The following RXFP1 variants were observed in gnomAD, a reference collection of about 807,000 sequenced individuals.
RXFP1 encodes the protein relaxin receptor 1.
RXFP1 carries 73 observed loss-of-function variants against 89.8 expected under a neutral mutation model. The ratio of observed to expected loss-of-function variants is 0.81; its 90% CI spans 0.67 to 0.99. The LOEUF is 0.99. Among genes scored for constraint, RXFP1 ranks in the 50% least tolerant of loss-of-function variants. The pLI is 0.00. For synonymous variants in RXFP1, 277 were observed against 305.5 expected, an observed-to-expected ratio of 0.91 and a Z score of 0.97; for missense variants, 793 against 895.5, an observed-to-expected ratio of 0.89 and a Z score of 1.46.
intron 1 of RXFP1, among the ~76,000 whole-genome samples, chr4:158,552,811 G>A (rs1183485246): frequency 3.9e-5 from 6 of 152,166 alleles, no homozygotes; most frequent in African/African-American, 1.4e-4. Flanking sequence ...TGTTCAATAT[G>A]GGAACCCCAG....
chr4:158,524,242 G>T (rs910797324), intron 1 of RXFP1, among the ~76,000 whole-genome samples: 1 of 152,122 alleles, frequency 6.6e-6, no homozygotes, highest in Non-Finnish European at 1.5e-5. Context: ...TGCTTTCAGA[G>T]CCCGTGCTCT....
intron 14 of RXFP1, among the ~76,000 whole-genome samples, chr4:158,644,486 C>T (rs1185688247): frequency 2.0e-5 from 3 of 151,900 alleles, no homozygotes; most frequent in Admixed American, 1.3e-4. Flanking sequence ...CAAAAAGCCA[C>T]GGAAGCACAG....
intron 17 of RXFP1, among the ~76,000 whole-genome samples, chr4:158,651,365 C>A (rs547253518): frequency 6.6e-6 from 1 of 152,228 alleles, no homozygotes; most frequent in South Asian, 2.1e-4. Flanking sequence ...ATACTATATG[C>A]ACCATTAAAA....
intron 11 of RXFP1, among the ~76,000 whole-genome samples, chr4:158,631,557 A>G (rs1383265021): frequency 1.3e-5 from 2 of 152,202 alleles, no homozygotes; most frequent in African/African-American, 4.8e-5. Flanking sequence ...GAAGTGTGCA[A>G]GAGGAATGCA....
intron 1 of RXFP1, among the ~76,000 whole-genome samples, chr4:158,526,391 G>A (rs947456734): frequency 1.6e-4 from 24 of 152,238 alleles, no homozygotes; most frequent in African/African-American, 5.5e-4. Flanking sequence ...CCTATGTGTA[G>A]TGATCCCATA....
intron 12 of RXFP1, among the ~76,000 whole-genome samples, chr4:158,637,509 A>T (rs543406965): frequency 4.6e-5 from 7 of 152,164 alleles, no homozygotes; most frequent in African/African-American, 1.7e-4. Flanking sequence ...ACTTTTTCAT[A>T]TACCTGTTAG....
intron 14 of RXFP1, among the ~76,000 whole-genome samples, chr4:158,642,527 G>A (rs1770577502): frequency 6.6e-6 from 1 of 152,086 alleles, no homozygotes; most frequent in African/African-American, 2.4e-5. Context: ...TTCCATATAT[G>A]AGAACATGAG....
intron 1 of RXFP1, among the ~76,000 whole-genome samples, chr4:158,559,610 G>C (rs1457071636): frequency 6.6e-6 from 1 of 152,056 alleles, no homozygotes; most frequent in Non-Finnish European, 1.5e-5. Context: ...ATTAAGACAA[G>C]CATCCGTGAG....
chr4:158,553,412 G>C (rs1247378180), intron 1 of RXFP1, among the ~76,000 whole-genome samples: 2 of 152,158 alleles, frequency 1.3e-5, no homozygotes, highest in Non-Finnish European at 2.9e-5. Context: ...GAGAGAAATG[G>C]AGAATTGCTA....
chr4:158,529,244 T>TGTTG (rs1553989981), intron 1 of RXFP1, among the ~76,000 whole-genome samples: 2 of 109,994 alleles, frequency 1.8e-5, no homozygotes, highest in Non-Finnish European at 3.9e-5. Context: ...TTGCTTGTTT[T>TGTTG]TTGTTGTTGT....
chr4:158,612,200 C>A lies in RXFP1; in HGVS notation c.607C>A (p.Leu203Met). Reference sequence around the variant, plus strand: ...TGAAGATCTTCACAGACTAGAATGGCTGTATGTTTAATTTATGTGGCATTT... The same window carrying A: ...TGAAGATCTTCACAGACTAGAATGGATGTATGTTTAATTTATGTGGCATTT... ...VFEDLHRLEWLIIEDNHLSRI... is the reference protein window; with the variant it reads ...VFEDLHRLEWMIIEDNHLSRI... The change falls in exon 7 of 18, where the codon CTG becomes ATG. Residue 203 changes from leucine (L) to methionine (M), a missense_variant and splice_region_variant. Coordinates refer to ENST00000307765, the MANE Select transcript of RXFP1 (RefSeq NM_021634.4). 3 of 1,610,754 alleles carry A rather than the reference C, an allele frequency of 1.9e-6. No individual in the cohort carries two copies. The highest frequency in any genetic ancestry group is 2.5e-6 in the Non-Finnish European group (3 of 1,178,510).
intron 15 of RXFP1, chr4:158,646,293 T>G: frequency 2.2e-6 from 1 of 458,404 alleles, no homozygotes; most frequent in Non-Finnish European, 4.3e-6. Context: ...ACATATCTCT[T>G]AAATTATAGG....
intron 2 of RXFP1, among the ~76,000 whole-genome samples, chr4:158,579,507 G>T (rs377080675): frequency 1.3e-5 from 2 of 152,108 alleles, no homozygotes; most frequent in African/African-American, 2.4e-5. Context: ...CTCGTGATCC[G>T]CCCACCTCGG....
chr4:158,566,673 C>T (rs1391704457), intron 1 of RXFP1, among the ~76,000 whole-genome samples: 1 of 152,214 alleles, frequency 6.6e-6, no homozygotes, highest in East Asian at 1.9e-4. Flanking sequence ...CCAAAAGTTA[C>T]TTTTAAAATA....
intron 1 of RXFP1, among the ~76,000 whole-genome samples, chr4:158,526,855 C>T (rs181771656): frequency 1.0e-3 from 156 of 152,228 alleles, no homozygotes; most frequent in Middle Eastern, 3.4e-3. Context: ...CTGGTCTAGG[C>T]CACCTGGAGC....
At chr4:158,644,842 A>G (rs1771204127) in intron 14 of RXFP1, 67 bp from the exon 15 acceptor site, 1 of 1,047,620 alleles carries the variant, frequency 9.5e-7, no homozygotes, top group Non-Finnish European at 1.4e-6. Flanking sequence ...TGTAGGAAAT[A>G]AATATGAATG....
At chr4:158,532,574 C>T (rs1181836160) in intron 1 of RXFP1, among the ~76,000 whole-genome samples, 1 of 152,174 alleles carries the variant, frequency 6.6e-6, no homozygotes, top group Non-Finnish European at 1.5e-5. Context: ...CATCTCCAGT[C>T]ACTTTGCCAG....
intron 1 of RXFP1, chr4:158,544,486 A>G (rs139208686): frequency 0.012 from 4,351 of 361,898 alleles, 164 homozygotes; most frequent in African/African-American, 0.092. Flanking sequence ...TTTAGGGTAC[A>G]TGTGCACAAT....
Position 158,575,942 on chromosome 4 carries a change from C to G in RXFP1, c.187+3107C>G, listed in dbSNP as rs116133911. On this transcript the variant is annotated intron_variant, in intron 2 of 17. Coordinates refer to ENST00000307765, the MANE Select transcript of RXFP1 (RefSeq NM_021634.4). ...TTTGGATGGACTCCACTGAGATCAG[C>G]TAGGCAGTTCTGGTCTCAGCTGGAT... 2.4e-3 allele frequency among the ~76,000 whole-genome samples: 367 copies of G among 152,286 alleles called. 4 individuals carry two copies. Among genetic ancestry groups the G allele is most frequent in the African/African-American group, 8.2e-3 (340 of 41,566 alleles).
Sources: gnomAD v4.1 joint callset for allele counts (sites outside exome capture counted in the v4.1 genomes callset) on GRCh38, gnomAD v4.1.1 for gene constraint, MANE v1.5 for transcripts, NCBI Gene and HGNC (gene_info 2026-07-23, HGNC 2026-07-21) for gene names.